GGT5: variants seen among roughly 807,000 people sequenced by gnomAD.
GGT5 encodes gamma-glutamyltransferase 5.
Under a neutral mutation model 58.1 loss-of-function variants are expected in GGT5, and 50 were observed. The observed-to-expected ratio is 0.86, with a 90% confidence interval of 0.69 to 1.09. GGT5 has a LOEUF of 1.09. Among genes scored for constraint, GGT5 ranks in the 50% least tolerant of loss-of-function variants. The pLI is 0.00. For missense variants in GGT5, 800 were observed against 789.4 expected, an observed-to-expected ratio of 1.01 and a Z score of -0.16; for synonymous variants, 370 against 346.1, an observed-to-expected ratio of 1.07 and a Z score of -0.77.
chr22:24,236,925 G>A (rs2048114518), intron 1 of GGT5, among the ~76,000 whole-genome samples: 1 of 151,940 alleles, frequency 6.6e-6, no homozygotes, highest in South Asian at 2.1e-4. Context: ...AGACAGGCAA[G>A]GCCAGCATTC....
In GGT5 at chr22:24,233,984, C is replaced by A; in HGVS notation, c.194G>T (p.Gly65Val). Reference sequence around the variant, plus strand: ...CGCGATGGTGGCATCCACGGGTGAGCCCTGCTGCTGGAGGATGGCTCTAGG... The same window carrying A: ...CGCGATGGTGGCATCCACGGGTGAGACCTGCTGCTGGAGGATGGCTCTAGG... ...DIGRAILQQQGSPVDATIAAL... is the reference protein window; with the variant it reads ...DIGRAILQQQVSPVDATIAAL... The change falls in exon 2 of 12, where the codon GGC becomes GTC. Residue 65 changes from glycine to valine, a missense_variant. Coordinates refer to ENST00000327365, the MANE Select transcript of GGT5 (RefSeq NM_004121.5). The A allele has an allele frequency of 6.2e-7, 1 of 1,611,932 alleles. No homozygotes were observed.
intron 1 of GGT5, among the ~76,000 whole-genome samples, chr22:24,239,012 A>G (rs571915149): frequency 8.1e-4 from 93 of 114,364 alleles, no homozygotes; most frequent in African/African-American, 3.1e-3. Flanking sequence ...CATGTGCCCA[A>G]AGATATTTTT....
At position 24,233,004 on chromosome 22, in the gene GGT5, C is replaced by T. The variant is rs766052788; in HGVS notation, c.415G>A (p.Gly139Arg). The T allele has an allele frequency of 1.9e-5, 29 of 1,541,676 alleles. No individual in the cohort carries two copies. The highest frequency in any genetic ancestry group is 2.5e-5 in the South Asian group (2 of 81,626). The change falls in exon 4 of 12, where the codon GGG (glycine) becomes AGG (arginine). Residue 139 changes from glycine to arginine, a missense_variant. Gly to Arg is a moderately radical substitution (Grantham distance 125, BLOSUM62 -2). Coordinates refer to ENST00000327365, the MANE Select transcript of GGT5 (RefSeq NM_004121.5). Reference protein sequence around the residue: ...LPLGTGAQWIGVPGELRGYAE... With the variant: ...LPLGTGAQWIRVPGELRGYAE... ...TAGCCACGGAGCTCCCCGGGCACCC[C>T]GATCCACTGGGCCCCTGCATGGCAC...
chr22:24,243,024 G>C (rs199638660), intron 1 of GGT5: 3 of 152,310 alleles, frequency 2.0e-5, no homozygotes, highest in Admixed American at 6.5e-5. Flanking sequence ...ACCAGTGACC[G>C]TCACGCACAC....
rs750950208 is a variant in GGT5, at chr22:24,226,194, G to T, written c.1111C>A (p.His371Asn). The change falls in exon 8 of 12, where the codon CAC (histidine) becomes AAC (asparagine). Residue 371 changes from histidine (H) to asparagine (N), a missense_variant. By Grantham distance (68) the His-to-Asn change is moderately conservative (BLOSUM62 1). Transcript: ENST00000327365. ...GCCAAGCTGTAGTGGCTGAGCTGGT[G>T]GTCCCCCCGGCCATCGATCTGTTGG... ...IRQQIDGRGDHQLSHYSLAEA... is the reference protein window; with the variant it reads ...IRQQIDGRGDNQLSHYSLAEA... 1.9e-6 allele frequency: 3 copies of T among 1,609,994 alleles called. No individual in the cohort carries two copies. In the African/African-American group the frequency reaches 4.0e-5, roughly 21 times the overall value.
Position 24,233,027 on chromosome 22 carries a change from C to A in GGT5, c.401-9G>T. 1 of 1,507,666 alleles carries A rather than the reference C, an allele frequency of 6.6e-7. No individual in the cohort carries two copies. The allele number at this position is 1,507,666 out of a possible 1,614,324, so 93.4% of individuals were successfully genotyped here. ...CCCGATCCACTGGGCCCCTGCATGG[C>A]ACATCCCAGCTCTCAACCCTGTGGC... On this transcript the variant is annotated splice_polypyrimidine_tract_variant and intron_variant, in intron 3 of 11. Transcript: ENST00000327365.
intron 6 of GGT5, among the ~76,000 whole-genome samples, chr22:24,228,081 A>AAAAC (rs2047829801): frequency 2.0e-5 from 3 of 147,072 alleles, no homozygotes; most frequent in South Asian, 2.2e-4. Context: ...ACAAAAAAAA[A>AAAAC]AAAACTCTGA....
intron 1 of GGT5, chr22:24,242,646 T>A (rs2048356886): frequency 6.6e-6 from 1 of 152,352 alleles, no homozygotes; most frequent in Admixed American, 6.5e-5. Flanking sequence ...GAGGGCCTCC[T>A]GGTGAGAGGT....
At chr22:24,220,233 G>T in intron 11 of GGT5, 117 bp from the exon 12 acceptor site, 1 of 950,690 alleles carries the variant, frequency 1.1e-6, no homozygotes, top group Non-Finnish European at 1.6e-6. Flanking sequence ...GAGGAAGAGG[G>T]CCTGAAGACA....
Position 24,232,817 on chromosome 22 carries a change from G to T in GGT5, c.596+6C>A. ...CAGGAACCCAGGGCCACCATGTGGGGCTCACCGCAGGGTTGACGCCTGCAA... is the reference window on the plus strand; with the variant it reads ...CAGGAACCCAGGGCCACCATGTGGGTCTCACCGCAGGGTTGACGCCTGCAA... On this transcript the variant is annotated splice_donor_region_variant and intron_variant, in intron 4 of 11. Coordinates refer to ENST00000327365, the MANE Select transcript of GGT5 (RefSeq NM_004121.5). 6.7e-7 allele frequency: 1 copy of T among 1,494,304 alleles called. No homozygotes were observed. The highest frequency in any genetic ancestry group is 1.3e-5 in the South Asian group (1 of 76,042). The allele number at this position is 1,494,304 out of a possible 1,614,324, so 92.6% of individuals were successfully genotyped here. A position where few individuals can be genotyped will look rare whatever the true frequency, so the allele number is the denominator to read the frequency against.
chr22:24,236,094 T>C (rs2048087470), intron 1 of GGT5, among the ~76,000 whole-genome samples: 1 of 152,110 alleles, frequency 6.6e-6, no homozygotes, highest in Non-Finnish European at 1.5e-5. Flanking sequence ...CTCCCTACAC[T>C]CGAGACACTT....
Position 24,233,503 on chromosome 22 carries a change from C to G in GGT5, c.395G>C (p.Gly132Ala), listed in dbSNP as rs527652662. 6.3e-7 allele frequency: 1 copy of G among 1,591,956 alleles called. No homozygotes were observed. Among genetic ancestry groups the G allele is most frequent in the Admixed American group, 1.7e-5 (1 of 58,712 alleles). The change falls in exon 3 of 12, where the codon GGC becomes GCC. Residue 132 changes from glycine (G) to alanine (A), a missense_variant. Transcript: ENST00000327365. Reference protein sequence around the residue: ...LDQCAQALPLGTGAQWIGVPG... With the variant: ...LDQCAQALPLATGAQWIGVPG... ...GGACCTCCATGGGGCGTCACCTGTG[C>G]CCAGTGGCAGAGCCTGTGCACACTG...
intron 6 of GGT5, among the ~76,000 whole-genome samples, chr22:24,227,930 C>T (rs1471750658): frequency 6.6e-6 from 1 of 151,288 alleles, no homozygotes; most frequent in Non-Finnish European, 1.5e-5. Flanking sequence ...GTGCCTGTAA[C>T]CCCAGCTACT....
At chr22:24,240,945 G>A (rs1033595750) in intron 1 of GGT5, 7 of 152,226 alleles carry the variant, frequency 4.6e-5, no homozygotes, top group African/African-American at 1.2e-4. Context: ...ATCACCTGAG[G>A]TCGGGAGTTT....
chr22:24,222,886 G>A (rs545173789), intron 11 of GGT5, among the ~76,000 whole-genome samples: 3 of 151,376 alleles, frequency 2.0e-5, no homozygotes, highest in South Asian at 2.1e-4. Flanking sequence ...GACCATCCTG[G>A]CTAACACGGT....
At chr22:24,234,544 G>A (rs1569367034) in intron 1 of GGT5, among the ~76,000 whole-genome samples, 1 of 152,338 alleles carries the variant, frequency 6.6e-6, no homozygotes, top group South Asian at 2.1e-4. Flanking sequence ...CCTAGGCTGG[G>A]TGTGGTGGCT....
chr22:24,238,939 AATAT>A (rs1244317146), intron 1 of GGT5, among the ~76,000 whole-genome samples: 1 of 15,896 alleles, frequency 6.3e-5, no homozygotes, highest in Non-Finnish European at 1.0e-4. Context: ...TATATTATAT[AATAT>A]ATATATATAT....
chr22:24,238,554 A>G (rs555318810), intron 1 of GGT5, among the ~76,000 whole-genome samples: 17 of 145,190 alleles, frequency 1.2e-4, no homozygotes, highest in African/African-American at 4.3e-4. Context: ...AAATACAAAA[A>G]TTAGCCAGGC....
In GGT5 at chr22:24,231,431, G is replaced by A. The variant is rs777787320; in HGVS notation, c.854C>T (p.Pro285Leu). The change falls in exon 6 of 12, where the codon CCG (proline) becomes CTG (leucine). Residue 285 changes from proline to leucine, a missense_variant. Physicochemically the swap from Pro to Leu is moderately conservative, Grantham distance 98 (BLOSUM62 -3). Coordinates refer to ENST00000327365, the MANE Select transcript of GGT5 (RefSeq NM_004121.5). ...LGDYTLYSPP[P>L]PAGGAILSFI... ...GCTGAGAATGGCACCCCCTGCAGGCGGCGGTGGTGAGTACAGGGTATAGTC... is the reference window on the plus strand; with the variant it reads ...GCTGAGAATGGCACCCCCTGCAGGCAGCGGTGGTGAGTACAGGGTATAGTC... The A allele has an allele frequency of 9.6e-6, 15 of 1,558,686 alleles. No individual in the cohort carries two copies. The South Asian group carries it at 1.1e-4, about 11-fold the overall frequency.
Sources: gnomAD v4.1 joint callset for allele counts (sites outside exome capture counted in the v4.1 genomes callset) on GRCh38, gnomAD v4.1.1 for gene constraint, MANE v1.5 for transcripts, NCBI Gene and HGNC (gene_info 2026-07-23, HGNC 2026-07-21) for gene names.